UPK3B: variants seen among roughly 807,000 people sequenced by gnomAD.
UPK3B encodes the protein uroplakin-3b.
A neutral mutation model predicts 27.6 loss-of-function variants in UPK3B; 21 were observed. That is an observed-to-expected ratio of 0.76 (90% CI 0.54 to 1.10). The LOEUF (loss-of-function observed/expected upper bound fraction) is 1.10, where lower values mean the gene tolerates loss of function less well. Ranked by LOEUF, UPK3B falls within the 50% of genes least tolerant of loss-of-function variation. UPK3B has a pLI of 0.00. For missense variants in UPK3B, 306 were observed against 376.1 expected, an observed-to-expected ratio of 0.81 and a Z score of 1.54; for synonymous variants, 141 against 162.3, an observed-to-expected ratio of 0.87 and a Z score of 1.00.
chr7:76,516,146 G>A lies in UPK3B; in HGVS notation c.*942G>A, dbSNP rs1812719818. Reference sequence around the variant, plus strand: ...GCAGCCAGGCCGCCTCACGGCCAGTGTGCATGCTCGCTGCTATTCGCTGCC... The same window carrying A: ...GCAGCCAGGCCGCCTCACGGCCAGTATGCATGCTCGCTGCTATTCGCTGCC... On this transcript the variant is annotated 3_prime_UTR_variant, in exon 6 of 6. Coordinates refer to ENST00000334348, the MANE Select transcript of UPK3B (RefSeq NM_001347684.2). 1 of 611,732 alleles carries A rather than the reference G, an allele frequency of 1.6e-6. No individual in the cohort carries two copies. Among genetic ancestry groups the A allele is most frequent in the Non-Finnish European group, 1.9e-6 (1 of 529,922 alleles). The allele number at this position is 611,732 out of a possible 1,614,324, so 37.9% of individuals were successfully genotyped here. A position where few individuals can be genotyped will look rare whatever the true frequency, so the allele number is the denominator to read the frequency against.
rs1365764643 is a variant in UPK3B, at chr7:76,515,076, G to C, written c.703G>C (p.Glu235Gln). The change falls in exon 6 of 6, where the codon GAG (glutamate) becomes CAG (glutamine). Residue 235 changes from glutamate to glutamine, a missense_variant. Physicochemically the swap from Glu to Gln is conservative, Grantham distance 29. Coordinates refer to ENST00000334348, the MANE Select transcript of UPK3B (RefSeq NM_001347684.2). Reference sequence around the variant, plus strand: ...CCTGTGGTGGCCGGAGGAGGCCCCGGAGCAGCTGCGGATCGGCTCCTTCAT... The same window carrying C: ...CCTGTGGTGGCCGGAGGAGGCCCCGCAGCAGCTGCGGATCGGCTCCTTCAT... ...SSLWWPEEAP[E>Q]QLRIGSFMGK... 6.3e-7 allele frequency: 1 copy of C among 1,597,222 alleles called. No homozygotes were observed. The highest frequency in any genetic ancestry group is 1.3e-5 in the African/African-American group (1 of 74,810).
At chr7:76,510,880 C>T (rs1422633250) in intron 1 of UPK3B, 23 bp from the exon 2 acceptor site, 10 of 1,595,712 alleles carry the variant, frequency 6.3e-6, no homozygotes, top group African/African-American at 5.4e-5. Flanking sequence ...CCGTGGCTCA[C>T]CTTTTGTCCC....
In UPK3B at chr7:76,516,370, A is replaced by T. The variant is rs1486405834; in HGVS notation, c.*1166A>T. ...GTGACTTGCCCGCTGCACTCTGTCC[A>T]CGGCCGCTGCACACGCCCCCTTGGG... On this transcript the variant is annotated 3_prime_UTR_variant, in exon 6 of 6. Coordinates refer to ENST00000334348, the MANE Select transcript of UPK3B (RefSeq NM_001347684.2). 1 of 612,268 alleles carries T rather than the reference A, an allele frequency of 1.6e-6. No individual in the cohort carries two copies. The highest frequency in any genetic ancestry group is 1.7e-4 in the East Asian group (1 of 5,792). 37.9% of individuals were successfully genotyped at this position (612,268 alleles called of 1,614,324 possible). A position where few individuals can be genotyped will look rare whatever the true frequency, so the allele number is the denominator to read the frequency against.
Position 76,514,770 on chromosome 7 carries a change from G to A in UPK3B, c.672-275G>A, listed in dbSNP as rs1812667996. On this transcript the variant is annotated intron_variant, in intron 5 of 5. Coordinates refer to ENST00000334348, the MANE Select transcript of UPK3B (RefSeq NM_001347684.2). Reference sequence around the variant, plus strand: ...AAAATGCAAAAATTGTCCGGGTGTGGTGGCAGGCACCTGTAATCCCAGCTA... The same window carrying A: ...AAAATGCAAAAATTGTCCGGGTGTGATGGCAGGCACCTGTAATCCCAGCTA... 2.0e-5 allele frequency among the ~76,000 whole-genome samples: 3 copies of A among 152,038 alleles called. No homozygotes were observed. The South Asian group carries it at 6.2e-4, about 32-fold the overall frequency.
Position 76,516,456 on chromosome 7 carries a change from G to A in UPK3B, c.*1252G>A, listed in dbSNP as rs1282631815. On this transcript the variant is annotated 3_prime_UTR_variant, in exon 6 of 6. Coordinates refer to ENST00000334348, the MANE Select transcript of UPK3B (RefSeq NM_001347684.2). ...CCGGCATGCAGGCCCTGCCAGCGGA[G>A]GGAGCCCGGTGGTGACCCTTGGTCT... is the stretch of plus-strand genomic sequence containing the variant. 2.1e-5 allele frequency: 13 copies of A among 612,134 alleles called. 6 individuals carry two copies. The East Asian group carries it at 2.2e-3, about 106-fold the overall frequency. The allele number at this position is 612,134 out of a possible 1,614,324, so 37.9% of individuals were successfully genotyped here.
In UPK3B at chr7:76,515,144, C is replaced by T. The variant is rs149047360; in HGVS notation, c.771C>T (p.Ala257=). The T allele has an allele frequency of 3.2e-4, 513 of 1,598,370 alleles. 1 individual carries two copies. Among genetic ancestry groups the T allele is most frequent in the African/African-American group, 6.2e-4 (46 of 74,736 alleles). Residue 257 remains alanine (A), a synonymous_variant, in exon 6 of 6, where the codon GCC becomes GCT. Coordinates refer to ENST00000334348, the MANE Select transcript of UPK3B (RefSeq NM_001347684.2). ...CCCACCACATCCCACCCAGAGAGGC[C>T]GCCACACTGCCGGTGGGCTGCAAGC... ...YMTHHIPPRE[A]ATLPVGCKPG... is the part of the protein sequence containing the mutation.
chr7:76,515,192 C>T lies in UPK3B; in HGVS notation c.819C>T (p.Ser273=), dbSNP rs775645890. 6.3e-7 allele frequency: 1 copy of T among 1,593,342 alleles called. No individual in the cohort carries two copies. The highest frequency in any genetic ancestry group is 1.1e-5 in the South Asian group (1 of 87,842). Residue 273 remains serine (S), a synonymous_variant, in exon 6 of 6, where the codon AGC becomes AGT. Transcript: ENST00000334348. ...AGCCTGGCCTGGACCCCCTCCCCAG[C>T]CTCAGCCCCTAGCCTGGCCTCTTTG... ...GCKPGLDPLP[S]LSP
Position 76,515,007 on chromosome 7 carries a change from A to T in UPK3B, c.672-38A>T. On this transcript the variant is annotated intron_variant, in intron 5 of 5. Transcript: ENST00000334348. ...TGACCCAGCACGTGCCCCATGTGGCAGGGACATATGTCTCTTCCTCCTCCT... is the reference window on the plus strand; with the variant it reads ...TGACCCAGCACGTGCCCCATGTGGCTGGGACATATGTCTCTTCCTCCTCCT... 4 of 1,547,224 alleles carry T rather than the reference A, an allele frequency of 2.6e-6. No homozygotes were observed. In the South Asian group the frequency reaches 4.8e-5, roughly 18 times the overall value.
At position 76,510,619 on chromosome 7, in the gene UPK3B, C is replaced by G; in HGVS notation, c.-34C>G. 2.8e-6 allele frequency: 4 copies of G among 1,442,568 alleles called. No individual in the cohort carries two copies. Among genetic ancestry groups the G allele is most frequent in the Non-Finnish European group, 3.7e-6 (4 of 1,091,644 alleles). 89.4% of individuals were successfully genotyped at this position (1,442,568 alleles called of 1,614,324 possible). On this transcript the variant is annotated 5_prime_UTR_variant, in exon 1 of 6. Transcript: ENST00000334348. Reference sequence around the variant, plus strand: ...GAGGTGCAGCCCGAAGCAGCCAGACCAGCCCCTGAGCCTCCCGGGTGCTGG... The same window carrying G: ...GAGGTGCAGCCCGAAGCAGCCAGACGAGCCCCTGAGCCTCCCGGGTGCTGG...
intron 2 of UPK3B, 119 bp from the exon 3 acceptor site, chr7:76,511,538 C>T: frequency 8.9e-7 from 1 of 1,122,386 alleles, no homozygotes; most frequent in South Asian, 1.5e-5. Context: ...TCTGGGGGCC[C>T]TGAGGGAGGA....
chr7:76,513,739 C>T (rs576618450), intron 4 of UPK3B, among the ~76,000 whole-genome samples: 19 of 151,394 alleles, frequency 1.3e-4, no homozygotes, highest in African/African-American at 4.6e-4. Context: ...AGGAGCAGGG[C>T]GGAGGCTGTG....
intron 3 of UPK3B, among the ~76,000 whole-genome samples, chr7:76,512,754 C>T (rs1258333055): frequency 6.9e-6 from 1 of 145,062 alleles, no homozygotes; most frequent in African/African-American, 2.5e-5. Context: ...GTGACCCCTG[C>T]CCCATGTGCC....
At position 76,513,105 on chromosome 7, in the gene UPK3B, C is replaced by CA; in HGVS notation, c.484dup (p.Thr162AsnfsTer8). On this transcript the variant is annotated frameshift_variant, in exon 4 of 6. Transcript: ENST00000334348. LOFTEE classifies it high-confidence loss of function. ...CCAGGGTGAAGTTCCTCCTGATGGA[C>CA]ACCAGGGGCTCACCCAGGGCTGAGA... 6.2e-7 allele frequency: 1 copy of CA among 1,613,768 alleles called. No individual in the cohort carries two copies. Among genetic ancestry groups the CA allele is most frequent in the Non-Finnish European group, 8.5e-7 (1 of 1,179,882 alleles).
chr7:76,515,288 GC>G lies in UPK3B; in HGVS notation c.*89del. On this transcript the variant is annotated 3_prime_UTR_variant, in exon 6 of 6. Transcript: ENST00000334348. Reference sequence around the variant, plus strand: ...TTTGTCCCAGCTCCTGCACCCACAGGCCCCCTCAGGGCTCCTTGCCTTTCCC... The same window carrying G: ...TTTGTCCCAGCTCCTGCACCCACAGGCCCCTCAGGGCTCCTTGCCTTTCCC... 6.5e-7 allele frequency: 1 copy of G among 1,540,524 alleles called. No individual in the cohort carries two copies. Among genetic ancestry groups the G allele is most frequent in the African/African-American group, 1.4e-5 (1 of 73,076 alleles).
intron 3 of UPK3B, among the ~76,000 whole-genome samples, 182 bp downstream of exon 3, chr7:76,512,064 C>T (rs1214429034): frequency 6.6e-6 from 1 of 151,712 alleles, no homozygotes; most frequent in East Asian, 2.0e-4. Flanking sequence ...CCGCTGGGGC[C>T]GGGCAAGGCC....
chr7:76,512,572 C>G (rs1255613895), intron 3 of UPK3B, among the ~76,000 whole-genome samples: 1 of 136,610 alleles, frequency 7.3e-6, no homozygotes, highest in South Asian at 2.5e-4. Context: ...CGCAGCCACT[C>G]TTTTCAATGC....
Position 76,513,151 on chromosome 7 carries a change from A to C in UPK3B, c.529A>C (p.Thr177Pro). 6.2e-7 allele frequency: 1 copy of C among 1,613,218 alleles called. No individual in the cohort carries two copies. ...RAETKWSDPI[T>P]LHQGKTPGSI... ...TGAGACCAAGTGGTCAGACCCCATC[A>C]CTCTCCACCAAGGTAGCGCTGGGCA... Residue 177 changes from threonine to proline, a missense_variant, in exon 4 of 6, where the codon ACT becomes CCT. Around this residue, in one of 4 missense-constraint regions of UPK3B, gnomAD observed 174 missense variants for 166.6 expected, o/e 1.04. Coordinates refer to ENST00000334348, the MANE Select transcript of UPK3B (RefSeq NM_001347684.2).
At position 76,513,980 on chromosome 7, in the gene UPK3B, G is replaced by T. The variant is rs1204180105; in HGVS notation, c.575G>T (p.Gly192Val). Reference protein sequence around the residue: ...KTPGSIDTWPGRRSGSMIVIT... With the variant: ...KTPGSIDTWPVRRSGSMIVIT... ...CCCGGATCCATCGACACCTGGCCAGGGCGGCGAAGTGGCAGCATGATCGTC... is the reference window on the plus strand; with the variant it reads ...CCCGGATCCATCGACACCTGGCCAGTGCGGCGAAGTGGCAGCATGATCGTC... The change falls in exon 5 of 6, where the codon GGG becomes GTG. Residue 192 changes from glycine to valine, a missense_variant. Coordinates refer to ENST00000334348, the MANE Select transcript of UPK3B (RefSeq NM_001347684.2). The T allele has an allele frequency of 6.2e-7, 1 of 1,613,868 alleles. No homozygotes were observed. Among genetic ancestry groups the T allele is most frequent in the Non-Finnish European group, 8.5e-7 (1 of 1,179,916 alleles).
intron 4 of UPK3B, 71 bp downstream of exon 4, chr7:76,513,234 G>A (rs576653252): frequency 2.0e-5 from 29 of 1,434,052 alleles, no homozygotes; most frequent in Non-Finnish European, 2.8e-5. Context: ...TGCTGAGCTG[G>A]CCACACCCCT....
Sources: allele counts gnomAD v4.1 joint callset (sites outside exome capture counted in the v4.1 genomes callset), GRCh38; gene constraint gnomAD v4.1.1; regional missense constraint gnomAD v4.1.1; transcripts MANE v1.5; gene names NCBI Gene and HGNC (gene_info 2026-07-23, HGNC 2026-07-21).